PCDHA7: variants seen among roughly 807,000 people sequenced by gnomAD.
PCDHA7 encodes the protein protocadherin alpha 7, also known as protocadherin alpha-7.
A neutral mutation model predicts 57.2 loss-of-function variants in PCDHA7; 37 were observed. That is an observed-to-expected ratio of 0.65 (90% CI 0.50 to 0.85). The LOEUF (loss-of-function observed/expected upper bound fraction) is 0.85. Ranked by LOEUF, PCDHA7 falls within the 40% of genes least tolerant of loss-of-function variation. The probability of loss-of-function intolerance (pLI) is 0.00; values close to 1 mark genes in which losing one functional copy is unlikely to be tolerated. For synonymous variants in PCDHA7, 553 were observed against 558.8 expected (o/e 0.99, Z 0.15); for missense variants, 1,188 against 1,241.8 (o/e 0.96, Z 0.65).
At chr5:140,967,944 A>G (rs782135204) in intron 1 of PCDHA7, 4 of 1,613,970 alleles carry the variant, frequency 2.5e-6, no homozygotes. Flanking sequence ...AATGACCAAG[A>G]CTCAGGCCCC....
rs781967971 is a variant in PCDHA7 at position 140,875,741 on chromosome 5, T to C, written c.2355+39003T>C. 10 of 1,614,098 alleles carry C rather than the reference T, an allele frequency of 6.2e-6. No homozygotes were observed. The highest frequency in any genetic ancestry group is 8.5e-6 in the Non-Finnish European group (10 of 1,180,040). On this transcript the variant is annotated intron_variant, in intron 1 of 3. Coordinates refer to ENST00000525929, the MANE Select transcript of PCDHA7 (RefSeq NM_018910.3). ...GGCATTTTGTTTGTGAATTCTCGGA[T>C]CGACCGCGAGAAGCTGTGCGGGCGG...
intron 1 of PCDHA7, chr5:140,842,493 C>T (rs1554139100): frequency 6.2e-7 from 1 of 1,613,738 alleles, no homozygotes; most frequent in Non-Finnish European, 8.5e-7. Context: ...TCCCTGATGC[C>T]CCATGTCCCC....
At chr5:141,003,081 T>C (rs2098110268) in intron 3 of PCDHA7, among the ~76,000 whole-genome samples, 1 of 152,238 alleles carries the variant, frequency 6.6e-6, no homozygotes, top group Admixed American at 6.5e-5. Context: ...AGGGTGAGTT[T>C]AACAGGCCTG....
rs1414020840 is a variant in PCDHA7, at chr5:140,920,855, AAAAC to A, written c.2356-58085_2356-58082del. On this transcript the variant is annotated intron_variant, in intron 1 of 3. Transcript: ENST00000525929. ...AAGACCAAATCTAAAAAAAAAAAAA[AAAAC>A]AAACAAACTGTGGCCCTTAGAACTT... Among the ~76,000 whole-genome samples the A allele has an allele frequency of 3.9e-5, 6 of 152,094 alleles. No homozygotes were observed. The East Asian group carries it at 5.8e-4, about 15-fold the overall frequency.
At chr5:140,884,621 G>C (rs116377419) in intron 1 of PCDHA7, 2 of 1,613,996 alleles carry the variant, frequency 1.2e-6, no homozygotes, top group South Asian at 2.2e-5. Context: ...TTCTGCAGAG[G>C]GAACAGGCCA....
chr5:140,848,542 T>G (rs2150412544), intron 1 of PCDHA7: 1 of 1,595,366 alleles, frequency 6.3e-7, no homozygotes, highest in Non-Finnish European at 8.6e-7. Context: ...CCTCTACTGC[T>G]CTCGCTTCTG....
chr5:140,896,090 C>CA (rs2065374359), intron 1 of PCDHA7, among the ~76,000 whole-genome samples: 1 of 152,152 alleles, frequency 6.6e-6, no homozygotes, highest in Non-Finnish European at 1.5e-5. Flanking sequence ...GGATTACAGG[C>CA]GTGAGCCACT....
At chr5:140,844,316 A>C (rs1554140608) in intron 1 of PCDHA7, among the ~76,000 whole-genome samples, 1 of 149,428 alleles carries the variant, frequency 6.7e-6, no homozygotes, top group Non-Finnish European at 1.5e-5. Flanking sequence ...ATTCTTCCTA[A>C]TTTTATTATA....
chr5:140,960,708 T>C (rs578004240), intron 1 of PCDHA7, among the ~76,000 whole-genome samples: 1 of 152,142 alleles, frequency 6.6e-6, no homozygotes, highest in Non-Finnish European at 1.5e-5. Context: ...TAGTGCCAAA[T>C]ACTCATCTTA....
At chr5:140,883,507 G>A (rs782325165) in intron 1 of PCDHA7, 2 of 1,614,200 alleles carry the variant, frequency 1.2e-6, no homozygotes, top group Admixed American at 1.7e-5. Context: ...ACAGCGCCCT[G>A]GACCGCGAGA....
chr5:140,869,451 T>C, intron 1 of PCDHA7: 1 of 1,614,146 alleles, frequency 6.2e-7, no homozygotes, highest in Non-Finnish European at 8.5e-7. Context: ...CGCTGCAGGT[T>C]TTCCATGTGA....
chr5:140,966,862 G>C lies in PCDHA7; in HGVS notation c.2356-12087G>C, dbSNP rs782810195. On this transcript the variant is annotated intron_variant, in intron 1 of 3. Transcript: ENST00000525929. ...TGCTACTGCCTCTCCTGCTGCTGTTGCTGCTGCTGCTACCTGGCCCTGCGG... is the reference window on the plus strand; with the variant it reads ...TGCTACTGCCTCTCCTGCTGCTGTTCCTGCTGCTGCTACCTGGCCCTGCGG... The C allele has an allele frequency of 1.2e-5, 18 of 1,562,198 alleles. No individual in the cohort carries two copies. Among genetic ancestry groups the C allele is most frequent in the Non-Finnish European group, 1.5e-5 (18 of 1,164,444 alleles).
chr5:141,002,173 C>T (rs1442739241), intron 3 of PCDHA7, among the ~76,000 whole-genome samples: 2 of 152,192 alleles, frequency 1.3e-5, no homozygotes, highest in Non-Finnish European at 2.9e-5. Flanking sequence ...TAGGCAGGCT[C>T]CAGAGTGCTG....
chr5:140,836,198 G>A lies in PCDHA7; in HGVS notation c.1815G>A (p.Ala605=). Residue 605 remains alanine, a synonymous_variant, in exon 1 of 4, where the codon GCG becomes GCA. Coordinates refer to ENST00000525929, the MANE Select transcript of PCDHA7 (RefSeq NM_018910.3). ...RAVDADSGYN[A]WLSYELQPVA... is the part of the protein sequence containing the mutation. ...TTGACGCTGACTCAGGCTACAACGCGTGGCTTTCGTATGAGTTGCAACCGG... is the reference window on the plus strand; with the variant it reads ...TTGACGCTGACTCAGGCTACAACGCATGGCTTTCGTATGAGTTGCAACCGG... 2 of 1,613,862 alleles carry A rather than the reference G, an allele frequency of 1.2e-6. No individual in the cohort carries two copies. The highest frequency in any genetic ancestry group is 1.7e-6 in the Non-Finnish European group (2 of 1,179,818).
rs143656335 is a variant in PCDHA7, at chr5:140,968,986, A to G, written c.2356-9963A>G. 244 of 1,614,206 alleles carry G rather than the reference A, an allele frequency of 1.5e-4. No individual in the cohort carries two copies. In the African/African-American group the frequency reaches 3.0e-3, roughly 20 times the overall value. On this transcript the variant is annotated intron_variant, in intron 1 of 3. Transcript: ENST00000525929. ...ACCGCTACACTGCGTATGGCACTGC[A>G]TGCTGTGGAGGCTTCTGTGGAGTAA...
chr5:140,982,615 A>G, intron 3 of PCDHA7, 52 bp downstream of exon 3: 1 of 1,596,392 alleles, frequency 6.3e-7, no homozygotes, highest in Non-Finnish European at 8.6e-7. Context: ...AAGTGATCAG[A>G]TGACCTACTT....
intron 1 of PCDHA7, chr5:140,877,589 C>T (rs1554169905): frequency 1.2e-6 from 2 of 1,613,848 alleles, no homozygotes; most frequent in Non-Finnish European, 1.7e-6. Context: ...GCCATCTGTG[C>T]GGTGTCCAGC....
chr5:140,984,365 C>G (rs2097099251), intron 3 of PCDHA7, among the ~76,000 whole-genome samples: 1 of 152,128 alleles, frequency 6.6e-6, no homozygotes. Flanking sequence ...TACATCTGGC[C>G]AAGTCCCTCT....
chr5:140,882,022 A>G (rs2153382292), intron 1 of PCDHA7: 2 of 571,970 alleles, frequency 3.5e-6, no homozygotes, highest in Non-Finnish European at 5.6e-6. Flanking sequence ...TACTACATCA[A>G]TGGAAAATAT....
Sources: allele counts gnomAD v4.1 joint callset (sites outside exome capture counted in the v4.1 genomes callset), GRCh38; gene constraint gnomAD v4.1.1; transcripts MANE v1.5; gene names NCBI Gene and HGNC (gene_info 2026-07-23, HGNC 2026-07-21).